Variants in CDH12 observed in about 807,000 individuals in gnomAD.
CDH12 encodes cadherin-12.
A neutral mutation model predicts 74.1 loss-of-function variants in CDH12; 41 were observed. That is an observed-to-expected ratio of 0.55 (90% CI 0.43 to 0.72). The LOEUF (loss-of-function observed/expected upper bound fraction) is 0.72, where lower values mean the gene tolerates loss of function less well. Ranked by LOEUF, CDH12 falls within the 30% of genes least tolerant of loss-of-function variation. The pLI, the probability that CDH12 is intolerant of heterozygous loss-of-function variation, is 0.00. For synonymous variants in CDH12, 399 were observed against 355.0 expected, an observed-to-expected ratio of 1.12 and a Z score of -1.39; for missense variants, 945 against 977.2, an observed-to-expected ratio of 0.97 and a Z score of 0.44.
chr5:22,022,211 T>A (rs1738033066), intron 5 of CDH12, among the ~76,000 whole-genome samples: 1 of 152,182 alleles, frequency 6.6e-6, no homozygotes, highest in African/African-American at 2.4e-5. Flanking sequence ...AAATCTCATG[T>A]TGAATTGTAA....
intron 1 of CDH12, among the ~76,000 whole-genome samples, chr5:22,728,889 G>A (rs1410055679): frequency 6.6e-6 from 1 of 151,776 alleles, no homozygotes; most frequent in Non-Finnish European, 1.5e-5. Flanking sequence ...TACCATTGAT[G>A]CTTAGGGTTT....
At chr5:21,841,845 C>T (rs569515925) in intron 8 of CDH12, among the ~76,000 whole-genome samples, 1,421 of 116,716 alleles carry the variant, frequency 0.012, 24 homozygotes, top group African/African-American at 0.047. Flanking sequence ...ACATCACACT[C>T]TGGGGACTGT....
intron 6 of CDH12, among the ~76,000 whole-genome samples, chr5:21,956,067 A>G (rs1756080592): frequency 6.6e-6 from 1 of 152,124 alleles, no homozygotes; most frequent in African/African-American, 2.4e-5. Context: ...TTTAGTTAAA[A>G]GCTTAAACTA....
chr5:22,625,898 C>T (rs750103375), intron 1 of CDH12, among the ~76,000 whole-genome samples: 2 of 152,262 alleles, frequency 1.3e-5, no homozygotes, highest in Middle Eastern at 3.4e-3. Flanking sequence ...CCGGCACACA[C>T]TTGCCCACTT....
intron 3 of CDH12, among the ~76,000 whole-genome samples, chr5:22,391,000 A>C (rs1742224961): frequency 6.6e-6 from 1 of 152,152 alleles, no homozygotes; most frequent in East Asian, 1.9e-4. Context: ...ACATTCTATG[A>C]TAGAGTGAAC....
chr5:22,691,602 C>T (rs981880403), intron 1 of CDH12, among the ~76,000 whole-genome samples: 2 of 152,192 alleles, frequency 1.3e-5, no homozygotes, highest in Non-Finnish European at 2.9e-5. Context: ...TTCCTCAAAT[C>T]TTAGGCATCA....
chr5:22,528,195 C>T (rs1039648659), intron 1 of CDH12, among the ~76,000 whole-genome samples: 11 of 152,092 alleles, frequency 7.2e-5, no homozygotes, highest in Admixed American at 3.3e-4. Context: ...ACAACTGCTT[C>T]GGGGGAAGCT....
chr5:22,719,860 G>C (rs1318311311), intron 1 of CDH12, among the ~76,000 whole-genome samples: 10 of 152,112 alleles, frequency 6.6e-5, no homozygotes, highest in Admixed American at 6.5e-4. Context: ...TGGTCTCTCT[G>C]TTAGAGTAGG....
intron 8 of CDH12, among the ~76,000 whole-genome samples, chr5:21,837,529 G>A (rs902324165): frequency 1.3e-5 from 2 of 151,204 alleles, no homozygotes; most frequent in Non-Finnish European, 2.9e-5. Context: ...TTAGTTGTGG[G>A]AAATTCTTTC....
intron 4 of CDH12, among the ~76,000 whole-genome samples, chr5:22,175,594 TA>T (rs5866557): frequency 0.32 from 48,559 of 151,858 alleles, 8,052 homozygotes; most frequent in South Asian, 0.38. Context: ...TGGTGTTAAT[TA>T]AAAAGAATAG....
At chr5:22,320,130 T>G (rs938088993) in intron 3 of CDH12, among the ~76,000 whole-genome samples, 2 of 152,138 alleles carry the variant, frequency 1.3e-5, no homozygotes, top group Non-Finnish European at 2.9e-5. Flanking sequence ...CATCACCAGT[T>G]TTTGACTTGT....
chr5:22,612,389 A>G (rs1737451322), intron 1 of CDH12, among the ~76,000 whole-genome samples: 1 of 152,114 alleles, frequency 6.6e-6, no homozygotes, highest in African/African-American at 2.4e-5. Flanking sequence ...CAGATATCTT[A>G]TATTTACTAC....
chr5:22,449,742 G>GTTATATGGACT (rs1462517904), intron 2 of CDH12, among the ~76,000 whole-genome samples: 1 of 151,944 alleles, frequency 6.6e-6, no homozygotes, highest in Non-Finnish European at 1.5e-5. Context: ...TTTTATATCT[G>GTTATATGGACT]TTATATGGAC....
intron 1 of CDH12, among the ~76,000 whole-genome samples, chr5:22,643,823 C>T (rs72637732): frequency 0.069 from 9,415 of 136,112 alleles, 407 homozygotes; most frequent in East Asian, 0.26. Context: ...ATTTTTCCAA[C>T]GGCATGTGCT....
intron 3 of CDH12, among the ~76,000 whole-genome samples, chr5:22,385,832 A>ATCT (rs1273954534): frequency 1.3e-5 from 2 of 151,086 alleles, no homozygotes; most frequent in African/African-American, 4.9e-5. Context: ...AAGCAGGCAC[A>ATCT]TCTTACATGG....
At chr5:22,397,934 C>A (rs758939078) in intron 3 of CDH12, among the ~76,000 whole-genome samples, 3 of 151,992 alleles carry the variant, frequency 2.0e-5, no homozygotes, top group Non-Finnish European at 1.5e-5. Flanking sequence ...GAACAGAGAC[C>A]TCAGAAGAAA....
intron 3 of CDH12, among the ~76,000 whole-genome samples, chr5:22,321,480 T>C (rs1475168919): frequency 8.2e-6 from 1 of 122,400 alleles, no homozygotes; most frequent in Admixed American, 8.9e-5. Context: ...AATATCACAC[T>C]CTGGGGACTG....
At chr5:22,488,020 T>C (rs1746682287) in intron 2 of CDH12, among the ~76,000 whole-genome samples, 1 of 152,226 alleles carries the variant, frequency 6.6e-6, no homozygotes, top group South Asian at 2.1e-4. Flanking sequence ...AAAGTATTAA[T>C]GGCAAAAGCA....
chr5:22,435,018 G>A (rs1176101983), intron 2 of CDH12, among the ~76,000 whole-genome samples: 2 of 152,148 alleles, frequency 1.3e-5, no homozygotes, highest in East Asian at 1.9e-4. Context: ...ATGGTTAATA[G>A]TGAGTGTTAG....
Sources: gnomAD v4.1 joint callset for allele counts (sites outside exome capture counted in the v4.1 genomes callset) on GRCh38, gnomAD v4.1.1 for gene constraint, MANE v1.5 for transcripts, NCBI Gene and HGNC (gene_info 2026-07-23, HGNC 2026-07-21) for gene names.